The following TMEM260 variants were observed in gnomAD, a reference collection of about 807,000 sequenced individuals.
TMEM260 encodes transmembrane protein 260.
In TMEM260, 82 loss-of-function variants were observed where a neutral mutation model predicts 88.9. That is an observed-to-expected ratio of 0.92 (90% CI 0.77 to 1.11). The LOEUF (loss-of-function observed/expected upper bound fraction) is 1.11. Among genes scored for constraint, TMEM260 ranks in the 50% least tolerant of loss-of-function variants. The pLI is 0.00. For missense variants in TMEM260, 902 were observed against 853.4 expected, an observed-to-expected ratio of 1.06 and a Z score of -0.71; for synonymous variants, 314 against 309.3, an observed-to-expected ratio of 1.02 and a Z score of -0.16.
chr14:56,584,906 A>C (rs1885387957), intron 1 of TMEM260, 95 bp from the exon 2 acceptor site: 1 of 957,888 alleles, frequency 1.0e-6, no homozygotes, highest in African/African-American at 1.6e-5. Flanking sequence ...AGTCAAATTA[A>C]TGCAAAACCC....
downstream of TMEM260, among the ~76,000 whole-genome samples, chr14:56,653,736 C>CAAAAAAAAAAAAAAAAA (rs10522889): frequency 1.5e-3 from 101 of 66,424 alleles, 8 homozygotes; most frequent in East Asian, 0.025. Flanking sequence ...CTCTTGTCTC[C>CAAAAAAAAAAAAAAAAA]AAAACAAAAA....
chr14:56,602,475 G>T (rs1886637182), intron 3 of TMEM260, among the ~76,000 whole-genome samples: 1 of 152,128 alleles, frequency 6.6e-6, no homozygotes. Flanking sequence ...TCAAGCAGCG[G>T]AGAGTCCTTA....
At chr14:56,636,477 T>G in intron 14 of TMEM260, 31 bp from the exon 15 acceptor site, 1 of 1,587,874 alleles carries the variant, frequency 6.3e-7, no homozygotes, top group Non-Finnish European at 8.6e-7. Context: ...GACTGTATGA[T>G]TTTAATGAAG....
chr14:56,613,248 A>G (rs970521739), intron 7 of TMEM260: 5 of 152,154 alleles, frequency 3.3e-5, no homozygotes, highest in Admixed American at 6.5e-5. Flanking sequence ...CTGTTTGAAA[A>G]AAAACTATGA....
intron 3 of TMEM260, among the ~76,000 whole-genome samples, chr14:56,588,306 T>A (rs137972062): frequency 1.6e-3 from 238 of 152,194 alleles, no homozygotes; most frequent in African/African-American, 5.4e-3. Context: ...AGGTAATTGT[T>A]CACATAGCAT....
downstream of TMEM260, chr14:56,650,145 G>A (rs1890175761): frequency 2.2e-6 from 1 of 450,044 alleles, no homozygotes; most frequent in African/African-American, 2.0e-5. Flanking sequence ...GACTGTAATG[G>A]AGGTGACTTC....
chr14:56,636,908 A>G (rs1336081834), intron 15 of TMEM260, among the ~76,000 whole-genome samples: 6 of 152,244 alleles, frequency 3.9e-5, no homozygotes, highest in African/African-American at 1.4e-4. Context: ...GTCTTGAGAC[A>G]GGGGGTTACC....
intron 2 of TMEM260, among the ~76,000 whole-genome samples, 187 bp downstream of exon 2, chr14:56,585,219 A>C (rs188778780): frequency 6.6e-5 from 10 of 152,292 alleles, no homozygotes; most frequent in Non-Finnish European, 1.2e-4. Context: ...TATAAAGCAA[A>C]GCCTTTACTA....
In TMEM260 at chr14:56,579,958, C is replaced by G. The variant is rs946554544; in HGVS notation, c.44C>G (p.Ala15Gly). ...GGCAGGGGCCAGGCCCAGGGGCGGG[C>G]AGTCCGAGTGGGGCTGCGGCGCTCC... Reference protein sequence around the residue: ...GDGRGQAQGRAVRVGLRRSGG... With the variant: ...GDGRGQAQGRGVRVGLRRSGG... The change falls in exon 1 of 16, where the codon GCA becomes GGA. Residue 15 changes from alanine (A) to glycine (G), a missense_variant. By Grantham distance (60) the Ala-to-Gly change is moderately conservative (BLOSUM62 0). Transcript: ENST00000261556. The G allele has an allele frequency of 1.6e-6, 2 of 1,240,072 alleles. No individual in the cohort carries two copies. The highest frequency in any genetic ancestry group is 1.0e-6 in the Non-Finnish European group (1 of 988,634). The allele number at this position is 1,240,072 out of a possible 1,614,324, so 76.8% of individuals were successfully genotyped here.
chr14:56,650,392 A>C, downstream of TMEM260: 2 of 210,594 alleles, frequency 9.5e-6, no homozygotes, highest in East Asian at 1.3e-4. Flanking sequence ...TATCTGACTA[A>C]CCACTGGGTG....
At chr14:56,609,615 G>A (rs532175795) in intron 6 of TMEM260, among the ~76,000 whole-genome samples, 94 of 151,998 alleles carry the variant, frequency 6.2e-4, no homozygotes, top group African/African-American at 2.2e-3. Context: ...AAAACTATTT[G>A]GAAAAGATCG....
At chr14:56,624,430 C>G (rs748105374) in intron 11 of TMEM260, among the ~76,000 whole-genome samples, 2 of 151,998 alleles carry the variant, frequency 1.3e-5, no homozygotes, top group Non-Finnish European at 2.9e-5. Context: ...AAAAATTATT[C>G]TGGTGTAGTG....
chr14:56,591,496 C>A (rs1410104439), intron 3 of TMEM260, among the ~76,000 whole-genome samples: 4 of 152,196 alleles, frequency 2.6e-5, no homozygotes, highest in African/African-American at 9.6e-5. Flanking sequence ...TACGTAGCAT[C>A]TTCTAAGTTT....
intron 3 of TMEM260, among the ~76,000 whole-genome samples, chr14:56,602,908 TATG>T (rs1886665142): frequency 6.6e-6 from 1 of 152,180 alleles, no homozygotes; most frequent in South Asian, 2.1e-4. Flanking sequence ...AGCTATAGAA[TATG>T]ATAATTGTTG....
chr14:56,617,590 ATTT>A (rs1268904174), intron 9 of TMEM260, among the ~76,000 whole-genome samples: 1 of 152,134 alleles, frequency 6.6e-6, no homozygotes, highest in African/African-American at 2.4e-5. Context: ...TTCTCCTGGA[ATTT>A]TTTTAACAGC....
downstream of TMEM260, among the ~76,000 whole-genome samples, chr14:56,653,647 T>G (rs932320041): frequency 6.8e-6 from 1 of 147,346 alleles, no homozygotes; most frequent in Admixed American, 7.0e-5. Flanking sequence ...TGCTCGAGTT[T>G]TGCTTGAACC....
In TMEM260 at chr14:56,647,924, A is replaced by G. The variant is rs1194052927; in HGVS notation, c.*427A>G. On this transcript the variant is annotated 3_prime_UTR_variant, in exon 16 of 16. Coordinates refer to ENST00000261556, the MANE Select transcript of TMEM260 (RefSeq NM_017799.4). ...CCAAAGACATTTTCTGTTTCCTGGAAAAAAAAAATGAATCATGTTAGGCTT... is the reference window on the plus strand; with the variant it reads ...CCAAAGACATTTTCTGTTTCCTGGAGAAAAAAAATGAATCATGTTAGGCTT... The G allele has an allele frequency of 8.4e-6, 1 of 118,526 alleles. No individual in the cohort carries two copies. Among genetic ancestry groups the G allele is most frequent in the East Asian group, 3.4e-4 (1 of 2,984 alleles). 7.3% of individuals were successfully genotyped at this position (118,526 alleles called of 1,614,324 possible).
At chr14:56,631,823 G>GTGTT (rs1359644376) in intron 12 of TMEM260, among the ~76,000 whole-genome samples, 1 of 152,124 alleles carries the variant, frequency 6.6e-6, no homozygotes, top group Non-Finnish European at 1.5e-5. Context: ...CCAGTTTCAG[G>GTGTT]TGTTTCTATC....
chr14:56,632,692 C>T (rs1264537862), intron 12 of TMEM260, among the ~76,000 whole-genome samples: 1 of 152,040 alleles, frequency 6.6e-6, no homozygotes, highest in African/African-American at 2.4e-5. Context: ...TCAAGCGATT[C>T]TCCCACCTCA....
Sources: allele counts gnomAD v4.1 joint callset (sites outside exome capture counted in the v4.1 genomes callset), GRCh38; gene constraint gnomAD v4.1.1; transcripts MANE v1.5; gene names NCBI Gene and HGNC (gene_info 2026-07-23, HGNC 2026-07-21).